The following RBFOX1 variants were observed in gnomAD, a reference collection of about 807,000 sequenced individuals.
RBFOX1 encodes the protein RNA binding protein fox-1 homolog 1.
RBFOX1 carries 8 observed loss-of-function variants against 57.7 expected under a neutral mutation model. The ratio of observed to expected loss-of-function variants is 0.14; its 90% CI spans 0.08 to 0.25. The LOEUF (loss-of-function observed/expected upper bound fraction) is 0.25. Ranked by LOEUF, RBFOX1 falls within the 10% of genes least tolerant of loss-of-function variation. RBFOX1 has a pLI of 1.00. For synonymous variants in RBFOX1, 326 were observed against 222.4 expected (o/e 1.47, Z -4.15); for missense variants, 611 against 548.5 (o/e 1.11, Z -1.14).
chr16:5,277,024 A>G (rs1221785161), intron 1 of RBFOX1, among the ~76,000 whole-genome samples: 1 of 152,222 alleles, frequency 6.6e-6, no homozygotes, highest in Admixed American at 6.5e-5. Context: ...TCACATTTGC[A>G]AAACTATAGA....
At chr16:6,407,594 A>AGAGAGAGAGAG (rs369941718) in intron 2 of RBFOX1, among the ~76,000 whole-genome samples, 2 of 149,202 alleles carry the variant, frequency 1.3e-5, no homozygotes, top group African/African-American at 5.0e-5. Context: ...AGAGAGAGAG[A>AGAGAGAGAGAG]AGTACATTCT....
intron 3 of RBFOX1, among the ~76,000 whole-genome samples, chr16:6,925,645 A>C (rs941902623): frequency 6.6e-6 from 1 of 152,004 alleles, no homozygotes; most frequent in Non-Finnish European, 1.5e-5. Context: ...AGTGGCTACA[A>C]AGGGCTTAGG....
chr16:7,306,067 T>G (rs1209426585), intron 4 of RBFOX1, among the ~76,000 whole-genome samples: 1 of 152,242 alleles, frequency 6.6e-6, no homozygotes, highest in African/African-American at 2.4e-5. Flanking sequence ...TTACATTTAC[T>G]TCTTTCATGT....
chr16:5,904,833 C>T (rs1394715968), intron 4 of RBFOX1, among the ~76,000 whole-genome samples: 4 of 151,244 alleles, frequency 2.6e-5, no homozygotes, highest in South Asian at 2.1e-4. Flanking sequence ...AAAAGTTAAC[C>T]GGGCATGGTG....
intron 4 of RBFOX1, among the ~76,000 whole-genome samples, chr16:7,052,451 G>C (rs1019797145): frequency 2.0e-5 from 3 of 152,170 alleles, no homozygotes; most frequent in African/African-American, 7.2e-5. Flanking sequence ...ATGAATACCA[G>C]GCTGTTTGCT....
intron 2 of RBFOX1, among the ~76,000 whole-genome samples, chr16:5,583,542 C>T (rs56685962): frequency 6.6e-6 from 1 of 152,138 alleles, no homozygotes; most frequent in African/African-American, 2.4e-5. Flanking sequence ...TGGAGTGTCT[C>T]TGAATCTGCT....
chr16:5,272,007 C>G (rs2063022907), intron 1 of RBFOX1, among the ~76,000 whole-genome samples: 1 of 152,298 alleles, frequency 6.6e-6, no homozygotes, highest in South Asian at 2.1e-4. Context: ...CACTGATGGA[C>G]ACTTAGGTTG....
intron 1 of RBFOX1, among the ~76,000 whole-genome samples, chr16:6,220,338 A>C (rs1386274669): frequency 1.3e-5 from 2 of 152,162 alleles, no homozygotes; most frequent in African/African-American, 4.8e-5. Context: ...CATAGATACT[A>C]GGCCCACCCC....
chr16:7,036,435 G>T (rs1297571400), intron 3 of RBFOX1, among the ~76,000 whole-genome samples: 1 of 152,046 alleles, frequency 6.6e-6, no homozygotes, highest in African/African-American at 2.4e-5. Context: ...GGGCGGCCGG[G>T]CGTGGTGGCT....
intron 4 of RBFOX1, among the ~76,000 whole-genome samples, chr16:7,173,362 C>T (rs546666606): frequency 6.6e-6 from 1 of 152,148 alleles, no homozygotes; most frequent in South Asian, 2.1e-4. Flanking sequence ...CTTCCAAACT[C>T]CATTCACTGT....
intron 3 of RBFOX1, among the ~76,000 whole-genome samples, chr16:6,753,546 T>C (rs1164552555): frequency 6.6e-6 from 1 of 152,194 alleles, no homozygotes; most frequent in African/African-American, 2.4e-5. Context: ...TCTCTTTGAA[T>C]ATTTGTTACA....
chr16:7,233,090 C>G (rs1433310744), intron 4 of RBFOX1, among the ~76,000 whole-genome samples: 1 of 152,098 alleles, frequency 6.6e-6, no homozygotes, highest in African/African-American at 2.4e-5. Flanking sequence ...AAGAACCCAT[C>G]TCACAATGTA....
chr16:7,430,060 A>C (rs547981059), intron 4 of RBFOX1, among the ~76,000 whole-genome samples: 1 of 152,322 alleles, frequency 6.6e-6, no homozygotes, highest in East Asian at 1.9e-4. Flanking sequence ...CAGAGAGTAC[A>C]TGCTCAAAAC....
chr16:5,640,890 A>T (rs866877755), intron 3 of RBFOX1, among the ~76,000 whole-genome samples: 1 of 147,326 alleles, frequency 6.8e-6, no homozygotes, highest in African/African-American at 2.5e-5. Flanking sequence ...CATGCATGCA[A>T]ACCTATGCAC....
chr16:5,880,433 G>T lies in RBFOX1; in HGVS notation c.351+13098G>T, dbSNP rs931522492. ...CTTTTAAGTCTCCAAGGGATGATAC[G>T]AGTGATGTCCAAGTTTGTGCAGAAT... On this transcript the variant is annotated intron_variant, in intron 4 of 19. Transcript: ENST00000641259. Among the ~76,000 whole-genome samples, 7 of 152,182 alleles carry T rather than the reference G, an allele frequency of 4.6e-5. No individual in the cohort carries two copies. In the East Asian group the frequency reaches 9.6e-4, roughly 21 times the overall value.
intron 1 of RBFOX1, among the ~76,000 whole-genome samples, chr16:5,376,123 G>A (rs916225286): frequency 2.0e-5 from 3 of 151,182 alleles, no homozygotes; most frequent in Non-Finnish European, 4.4e-5. Flanking sequence ...AGCTGAAATT[G>A]TGCCACTGCT....
intron 4 of RBFOX1, among the ~76,000 whole-genome samples, chr16:7,256,165 A>G (rs867759062): frequency 6.6e-6 from 1 of 152,184 alleles, no homozygotes; most frequent in African/African-American, 2.4e-5. Context: ...TCCGTGACCT[A>G]TTTTCAGTCG....
intron 2 of RBFOX1, among the ~76,000 whole-genome samples, chr16:5,497,172 T>G (rs766223154): frequency 6.6e-6 from 1 of 152,240 alleles, no homozygotes; most frequent in Non-Finnish European, 1.5e-5. Context: ...GATGGTAATT[T>G]TCAGCTTTCA....
At chr16:7,190,492 A>T (rs1164863325) in intron 4 of RBFOX1, among the ~76,000 whole-genome samples, 1 of 150,408 alleles carries the variant, frequency 6.6e-6, no homozygotes, top group Non-Finnish European at 1.5e-5. Flanking sequence ...TCATCCAGGC[A>T]TTTTTTTTTT....
Sources: allele counts gnomAD v4.1 joint callset (sites outside exome capture counted in the v4.1 genomes callset), GRCh38; gene constraint gnomAD v4.1.1; transcripts MANE v1.5; gene names NCBI Gene and HGNC (gene_info 2026-07-23, HGNC 2026-07-21).